SPHKAP: variants seen among roughly 807,000 people sequenced by gnomAD.
The protein encoded by SPHKAP is SPHK1 interactor, AKAP domain containing.
SPHKAP carries 67 observed loss-of-function variants against 137.5 expected under a neutral mutation model. The observed-to-expected ratio is 0.49, with a 90% CI of 0.40 to 0.60. The LOEUF (loss-of-function observed/expected upper bound fraction) is 0.60. SPHKAP is among the 20% of genes least tolerant of loss of function. SPHKAP has a pLI of 0.00. For synonymous variants in SPHKAP, 813 were observed against 785.3 expected (o/e 1.04, Z -0.59); for missense variants, 2,097 against 2,069.3 (o/e 1.01, Z -0.26).
intron 3 of SPHKAP, among the ~76,000 whole-genome samples, chr2:228,089,811 C>T (rs1327456601): frequency 6.6e-6 from 1 of 152,142 alleles, no homozygotes; most frequent in Non-Finnish European, 1.5e-5. Context: ...TGGCAGCTTC[C>T]ATGTTGTGTT....
chr2:228,142,007 G>C (rs961415676), intron 1 of SPHKAP, among the ~76,000 whole-genome samples: 1 of 152,138 alleles, frequency 6.6e-6, no homozygotes, highest in Non-Finnish European at 1.5e-5. Flanking sequence ...GTTCTGTGGA[G>C]GCCCTGCTTC....
At chr2:228,105,767 T>C (rs1052325109) in intron 3 of SPHKAP, among the ~76,000 whole-genome samples, 1 of 152,166 alleles carries the variant, frequency 6.6e-6, no homozygotes, top group African/African-American at 2.4e-5. Flanking sequence ...TCATTTTCTC[T>C]TGCCTGCCAC....
chr2:228,038,967 G>A (rs184472377), intron 3 of SPHKAP, among the ~76,000 whole-genome samples: 2 of 152,302 alleles, frequency 1.3e-5, no homozygotes, highest in East Asian at 1.9e-4. Context: ...ACCATTTCCA[G>A]TACTTAGATT....
chr2:228,018,961 ATTAGGCCTTG>A lies in SPHKAP; in HGVS notation c.1883_1892del (p.Thr628IlefsTer13). ...GAAAGTCTCCAATGCTGCTGTAGGTATTAGGCCTTGTTAAAACCAGAGCAGCCTCCTTGAG... is the reference window on the plus strand; with the variant it reads ...GAAAGTCTCCAATGCTGCTGTAGGTATTAAAACCAGAGCAGCCTCCTTGAG... On this transcript the variant is annotated frameshift_variant, in exon 7 of 12. Transcript: ENST00000392056. LOFTEE classifies it high-confidence loss of function. 6.2e-7 allele frequency: 1 copy of A among 1,614,124 alleles called. No homozygotes were observed. The highest frequency in any genetic ancestry group is 1.1e-5 in the South Asian group (1 of 91,076).
chr2:228,030,088 TAAAAAC>T (rs1331105489), intron 3 of SPHKAP, among the ~76,000 whole-genome samples: 2 of 152,138 alleles, frequency 1.3e-5, no homozygotes, highest in Non-Finnish European at 2.9e-5. Flanking sequence ...TGAACCAAGA[TAAAAAC>T]AAAGCAAGAC....
intron 2 of SPHKAP, among the ~76,000 whole-genome samples, chr2:228,118,975 T>A (rs1461900607): frequency 1.3e-5 from 2 of 152,138 alleles, no homozygotes; most frequent in Admixed American, 6.6e-5. Flanking sequence ...GAAACTACTA[T>A]GAAAATAAAT....
At chr2:228,177,021 A>C (rs114828913) in intron 1 of SPHKAP, among the ~76,000 whole-genome samples, 1,683 of 152,318 alleles carry the variant, frequency 0.011, 25 homozygotes, top group African/African-American at 0.039. Flanking sequence ...GAGTAGCACT[A>C]GCCAAAGGAG....
chr2:228,047,466 C>CAAA (rs1229956684), intron 3 of SPHKAP, among the ~76,000 whole-genome samples: 1 of 99,384 alleles, frequency 1.0e-5, no homozygotes, highest in African/African-American at 4.2e-5. Context: ...AACTCCATCT[C>CAAA]AAAAAAAAAA....
At chr2:228,025,227 T>C (rs140873443) in intron 5 of SPHKAP, among the ~76,000 whole-genome samples, 167 bp downstream of exon 5, 1 of 152,340 alleles carries the variant, frequency 6.6e-6, no homozygotes, top group East Asian at 1.9e-4. Context: ...AAACTCTAAG[T>C]GGCTCTATTT....
At chr2:228,092,322 C>T (rs1306171714) in intron 3 of SPHKAP, among the ~76,000 whole-genome samples, 5 of 99,926 alleles carry the variant, frequency 5.0e-5, no homozygotes, top group East Asian at 4.4e-4. Flanking sequence ...TGTGTGTATA[C>T]GTACACACAC....
chr2:227,997,339 G>A (rs1304226744), intron 7 of SPHKAP, among the ~76,000 whole-genome samples: 5 of 151,998 alleles, frequency 3.3e-5, no homozygotes, highest in East Asian at 1.9e-4. Flanking sequence ...TGTGTGCTTC[G>A]AGCATACATT....
intron 7 of SPHKAP, among the ~76,000 whole-genome samples, chr2:228,006,259 A>G (rs1015430781): frequency 6.6e-6 from 1 of 151,906 alleles, no homozygotes. Context: ...TTTTTTCTCT[A>G]AATTTCTCTT....
intron 3 of SPHKAP, among the ~76,000 whole-genome samples, chr2:228,040,402 G>A (rs1448192084): frequency 6.6e-6 from 1 of 152,144 alleles, no homozygotes; most frequent in African/African-American, 2.4e-5. Flanking sequence ...TAGTACTGTA[G>A]GCAATTTTTT....
At chr2:228,092,338 T>TAC in intron 3 of SPHKAP, among the ~76,000 whole-genome samples, 1 of 143,370 alleles carries the variant, frequency 7.0e-6, no homozygotes, top group African/African-American at 2.6e-5. Flanking sequence ...CACACACGTG[T>TAC]ATGTGTGTGT....
intron 3 of SPHKAP, among the ~76,000 whole-genome samples, chr2:228,098,625 TG>T (rs1048645817): frequency 6.7e-6 from 1 of 149,090 alleles, no homozygotes; most frequent in Admixed American, 6.7e-5. Flanking sequence ...GGTGGTGGGG[TG>T]GGGGAGGGAT....
rs922765969 is a variant in SPHKAP, at chr2:228,016,980, A to G, written c.3874T>C (p.Leu1292=). ...TGGTCAGTCCCACCTCTCCGATACA[A>G]GCAAGAGTCAGATTTGCAGAGACCG... ...SSGLCKSDSC[L]YRRGGTDHIT... Residue 1292 remains leucine (L), a synonymous_variant, in exon 7 of 12, where the codon TTG becomes CTG. Transcript: ENST00000392056. 4 of 1,614,034 alleles carry G rather than the reference A, an allele frequency of 2.5e-6. No homozygotes were observed. The highest frequency in any genetic ancestry group is 1.3e-5 in the African/African-American group (1 of 74,904).
intron 7 of SPHKAP, among the ~76,000 whole-genome samples, chr2:228,006,213 A>G (rs1694123469): frequency 6.6e-6 from 1 of 152,058 alleles, no homozygotes; most frequent in Admixed American, 6.5e-5. Flanking sequence ...ACACAGTCCC[A>G]TATTTTTTGG....
chr2:228,096,579 C>G (rs1697988649), intron 3 of SPHKAP, among the ~76,000 whole-genome samples: 1 of 151,742 alleles, frequency 6.6e-6, no homozygotes, highest in South Asian at 2.1e-4. Flanking sequence ...TGAATGAAAT[C>G]CACTTGTAAG....
chr2:228,002,296 T>C (rs1693938664), intron 7 of SPHKAP, among the ~76,000 whole-genome samples: 1 of 152,244 alleles, frequency 6.6e-6, no homozygotes, highest in Admixed American at 6.5e-5. Context: ...ATTGTGGTTT[T>C]GATTTGCATT....
Sources: gnomAD v4.1 joint callset for allele counts (sites outside exome capture counted in the v4.1 genomes callset) on GRCh38, gnomAD v4.1.1 for gene constraint, MANE v1.5 for transcripts, NCBI Gene and HGNC (gene_info 2026-07-23, HGNC 2026-07-21) for gene names.